Variants in PTH2R observed in about 807,000 individuals in gnomAD.
PTH2R encodes parathyroid hormone 2 receptor, also known as PTH2 receptor.
Under a neutral mutation model 60.3 loss-of-function variants are expected in PTH2R, and 59 were observed. The observed-to-expected ratio is 0.98, with a 90% CI of 0.79 to 1.22. The LOEUF is 1.22. Ranked by LOEUF, PTH2R falls within the 50% of genes most tolerant of loss-of-function variation. The pLI, the probability that PTH2R is intolerant of heterozygous loss-of-function variation, is 0.00. For synonymous variants in PTH2R, 256 were observed against 243.8 expected, an observed-to-expected ratio of 1.05 and a Z score of -0.47; for missense variants, 749 against 682.6, an observed-to-expected ratio of 1.10 and a Z score of -1.08.
chr2:208,402,582 T>C (rs1476760647), upstream of PTH2R, among the ~76,000 whole-genome samples: 7 of 152,372 alleles, frequency 4.6e-5, no homozygotes, highest in Middle Eastern at 3.4e-3. Flanking sequence ...ACATTTTCAA[T>C]GTTCCTTCCT....
At chr2:208,455,370 T>C (rs771067602) in intron 8 of PTH2R, among the ~76,000 whole-genome samples, 1 of 152,184 alleles carries the variant, frequency 6.6e-6, no homozygotes, top group Non-Finnish European at 1.5e-5. Context: ...TAAAATGTGA[T>C]CCAGAGACAT....
chr2:208,476,773 G>C (rs1703013543), intron 9 of PTH2R, among the ~76,000 whole-genome samples: 2 of 152,116 alleles, frequency 1.3e-5, no homozygotes, highest in African/African-American at 2.4e-5. Flanking sequence ...GGGAGTGAGG[G>C]AGAACCTTAT....
At chr2:208,491,608 G>A (rs2105913629) in intron 12 of PTH2R, among the ~76,000 whole-genome samples, 1 of 152,178 alleles carries the variant, frequency 6.6e-6, no homozygotes, top group South Asian at 2.1e-4. Flanking sequence ...TGCTTATCTG[G>A]GAGGGAGAAT....
chr2:208,386,875 G>C (rs1173475557), intron 1 of PTH2R, among the ~76,000 whole-genome samples: 1 of 152,130 alleles, frequency 6.6e-6, no homozygotes, highest in Non-Finnish European at 1.5e-5. Context: ...CTGGGAATTA[G>C]GTCTTTAACA....
chr2:208,378,480 G>A (rs1700852806), intron 1 of PTH2R, among the ~76,000 whole-genome samples: 1 of 152,072 alleles, frequency 6.6e-6, no homozygotes, highest in African/African-American at 2.4e-5. Context: ...AAAATTCATA[G>A]GTTGAAATCT....
intron 1 of PTH2R, among the ~76,000 whole-genome samples, chr2:208,371,436 G>A (rs1389248363): frequency 6.6e-6 from 1 of 152,106 alleles, no homozygotes; most frequent in African/African-American, 2.4e-5. Flanking sequence ...TGAAGCCTCA[G>A]TTGGTATATA....
chr2:208,407,230 A>T (rs1701434589), intron 1 of PTH2R, 112 bp downstream of exon 1: 11 of 927,252 alleles, frequency 1.2e-5, no homozygotes, highest in Non-Finnish European at 1.6e-5. Context: ...TCACACGTCC[A>T]CAAACGCCCC....
At chr2:208,440,432 G>A (rs1485534925) in intron 4 of PTH2R, among the ~76,000 whole-genome samples, 2 of 152,110 alleles carry the variant, frequency 1.3e-5, no homozygotes, top group Non-Finnish European at 2.9e-5. Context: ...AAAATAATAA[G>A]TAATTAATAT....
chr2:208,408,742 G>GAGAA (rs368064431), intron 1 of PTH2R, among the ~76,000 whole-genome samples: 51,126 of 137,542 alleles, frequency 0.37, 10,656 homozygotes, highest in Admixed American at 0.45. Flanking sequence ...GAGAGAGAAA[G>GAGAA]AGAGAGAGAG....
intron 1 of PTH2R, among the ~76,000 whole-genome samples, chr2:208,409,954 G>A (rs1263336710): frequency 1.3e-5 from 2 of 152,142 alleles, no homozygotes; most frequent in East Asian, 3.9e-4. Flanking sequence ...AAAGTTGAAA[G>A]GGAGAGGGAG....
intron 1 of PTH2R, among the ~76,000 whole-genome samples, chr2:208,380,617 C>T (rs1255653399): frequency 1.3e-5 from 2 of 152,116 alleles, no homozygotes; most frequent in African/African-American, 4.8e-5. Context: ...GAGTGAGTTT[C>T]CTGCCTGGTG....
At chr2:208,375,132 T>A (rs1251724452) in intron 1 of PTH2R, among the ~76,000 whole-genome samples, 1 of 152,184 alleles carries the variant, frequency 6.6e-6, no homozygotes, top group Non-Finnish European at 1.5e-5. Flanking sequence ...TTTACTTTTT[T>A]AATTTCAGAG....
At chr2:208,376,462 A>G (rs1410792790) in intron 1 of PTH2R, among the ~76,000 whole-genome samples, 3 of 152,142 alleles carry the variant, frequency 2.0e-5, no homozygotes, top group Non-Finnish European at 4.4e-5. Flanking sequence ...GCTTTGATTG[A>G]AGATGAAATA....
chr2:208,428,990 C>G (rs1701915384), intron 2 of PTH2R, among the ~76,000 whole-genome samples: 1 of 151,034 alleles, frequency 6.6e-6, no homozygotes, highest in Non-Finnish European at 1.5e-5. Context: ...GAGGCTGAGG[C>G]AGGAGAATCG....
intron 6 of PTH2R, 56 bp from the exon 7 acceptor site, chr2:208,444,678 G>A: frequency 1.3e-6 from 2 of 1,522,508 alleles, no homozygotes; most frequent in Non-Finnish European, 1.8e-6. Context: ...TCTAATGTTG[G>A]CATCCAGTAC....
chr2:208,367,206 G>A (rs909392850), intron 1 of PTH2R, among the ~76,000 whole-genome samples: 1 of 151,602 alleles, frequency 6.6e-6, no homozygotes, highest in Non-Finnish European at 1.5e-5. Flanking sequence ...CGATTCTCCT[G>A]CCTCAGCCTC....
intron 2 of PTH2R, among the ~76,000 whole-genome samples, chr2:208,436,462 T>C (rs1702076562): frequency 6.6e-6 from 1 of 152,162 alleles, no homozygotes. Flanking sequence ...CCAACTTGTC[T>C]GAGTCCAGTG....
chr2:208,470,226 G>A (rs1702852358), intron 9 of PTH2R, among the ~76,000 whole-genome samples: 2 of 152,170 alleles, frequency 1.3e-5, no homozygotes, highest in South Asian at 2.1e-4. Flanking sequence ...AAGAAAAGGA[G>A]GAACTGTGGT....
chr2:208,459,600 G>C (rs1008640914), intron 8 of PTH2R, among the ~76,000 whole-genome samples: 7 of 152,072 alleles, frequency 4.6e-5, no homozygotes, highest in Non-Finnish European at 8.8e-5. Context: ...ACATTTAGAA[G>C]ACTATTACCT....
Sources: allele counts gnomAD v4.1 joint callset (sites outside exome capture counted in the v4.1 genomes callset), GRCh38; gene constraint gnomAD v4.1.1; transcripts MANE v1.5; gene names NCBI Gene and HGNC (gene_info 2026-07-23, HGNC 2026-07-21).